Variants in GFRA1 observed in about 807,000 individuals in gnomAD.
GFRA1 encodes the protein GDNF family receptor alpha 1.
GFRA1 carries 16 observed loss-of-function variants against 51.6 expected under a neutral mutation model. That is an observed-to-expected ratio of 0.31 (90% CI 0.21 to 0.47). The LOEUF (loss-of-function observed/expected upper bound fraction) is 0.47. Among genes scored for constraint, GFRA1 ranks in the 20% least tolerant of loss-of-function variants. The probability of loss-of-function intolerance (pLI) is 1.00; values close to 1 mark genes in which losing one functional copy is unlikely to be tolerated. For missense variants in GFRA1, 530 were observed against 594.3 expected (o/e 0.89, Z 1.13); for synonymous variants, 270 against 241.3 (o/e 1.12, Z -1.10).
At chr10:116,240,267 G>A (rs1032178191) in intron 4 of GFRA1, among the ~76,000 whole-genome samples, 4 of 152,162 alleles carry the variant, frequency 2.6e-5, no homozygotes, top group African/African-American at 4.8e-5. Flanking sequence ...ACTACTCCAC[G>A]GCTTGAGTTC....
chr10:116,246,266 C>T (rs1967858134), intron 4 of GFRA1, among the ~76,000 whole-genome samples: 1 of 152,108 alleles, frequency 6.6e-6, no homozygotes, highest in African/African-American at 2.4e-5. Context: ...CCTGTCTCTA[C>T]TAAAAATACA....
chr10:116,081,595 A>G (rs1955853703), intron 9 of GFRA1, among the ~76,000 whole-genome samples: 1 of 152,130 alleles, frequency 6.6e-6, no homozygotes, highest in East Asian at 1.9e-4. Context: ...AATGGGAATG[A>G]TAACAGTACT....
Position 116,226,313 on chromosome 10 carries a change from ATAAGC to A in GFRA1, c.419-14673_419-14669del, listed in dbSNP as rs1565663787. Among the ~76,000 whole-genome samples the A allele has an allele frequency of 2.0e-5, 3 of 152,316 alleles. No individual in the cohort carries two copies. The South Asian group carries it at 6.2e-4, about 32-fold the overall frequency. Reference sequence around the variant, plus strand: ...CTTACAAAGCACAAATGTTTCCCAAATAAGCCAGGCTCAGAAAACGATGACTGCAC... The same window carrying A: ...CTTACAAAGCACAAATGTTTCCCAAACAGGCTCAGAAAACGATGACTGCAC... On this transcript the variant is annotated intron_variant, in intron 4 of 10. Coordinates refer to ENST00000355422, the MANE Select transcript of GFRA1 (RefSeq NM_005264.8).
chr10:116,225,869 G>GT (rs1390170474), intron 4 of GFRA1, among the ~76,000 whole-genome samples: 6 of 152,148 alleles, frequency 3.9e-5, no homozygotes, highest in African/African-American at 1.4e-4. Context: ...GATTACAGGC[G>GT]TGAGTCACTG....
At chr10:116,255,046 C>T (rs7088385) in intron 4 of GFRA1, among the ~76,000 whole-genome samples, 2,499 of 152,266 alleles carry the variant, frequency 0.016, 64 homozygotes, top group African/African-American at 0.058. Flanking sequence ...ACAAAGCCAC[C>T]AACAGCTGTG....
At chr10:116,117,597 A>ATGGATGGATGGATGGATGGG (rs1957476716) in intron 6 of GFRA1, among the ~76,000 whole-genome samples, 3 of 112,368 alleles carry the variant, frequency 2.7e-5, no homozygotes, top group Non-Finnish European at 6.2e-5. Flanking sequence ...GGATGGATGG[A>ATGGATGGATGGATGGATGGG]TGGGTGGATG....
chr10:116,107,169 A>T (rs1345990814), intron 6 of GFRA1, among the ~76,000 whole-genome samples: 1 of 152,172 alleles, frequency 6.6e-6, no homozygotes, highest in Non-Finnish European at 1.5e-5. Context: ...GAATGATAAT[A>T]AGTCCCTCAA....
intron 6 of GFRA1, among the ~76,000 whole-genome samples, chr10:116,122,708 G>T (rs1436449511): frequency 6.6e-6 from 1 of 152,068 alleles, no homozygotes; most frequent in Non-Finnish European, 1.5e-5. Context: ...GACCTTCTCT[G>T]GCCATCTTGT....
At chr10:116,212,294 C>T (rs1190690205) in intron 4 of GFRA1, among the ~76,000 whole-genome samples, 13 of 151,866 alleles carry the variant, frequency 8.6e-5, no homozygotes, top group East Asian at 3.9e-4. Flanking sequence ...CTGAGGCAGG[C>T]GGATCACCTG....
intron 5 of GFRA1, among the ~76,000 whole-genome samples, chr10:116,200,779 C>T (rs534864531): frequency 2.6e-5 from 4 of 152,136 alleles, no homozygotes; most frequent in Non-Finnish European, 5.9e-5. Context: ...CTAATTATCC[C>T]CAAAGGCCCC....
chr10:116,265,430 A>G (rs573636871), intron 4 of GFRA1, among the ~76,000 whole-genome samples: 1 of 152,320 alleles, frequency 6.6e-6, no homozygotes, highest in African/African-American at 2.4e-5. Flanking sequence ...CTTGCTGCCA[A>G]AGAGGTGCTT....
Position 116,124,602 on chromosome 10 carries a change from G to A in GFRA1, c.770+619C>T, listed in dbSNP as rs898897812. The stretch of plus-strand genomic sequence containing the variant: ...AGATATCAAAGTAAATTCAGAAATG[G>A]CCAAAAAGCAAAAAGAAGTGAATGC... On this transcript the variant is annotated intron_variant, in intron 6 of 10. Transcript: ENST00000355422. Among the ~76,000 whole-genome samples the A allele has an allele frequency of 5.9e-5, 9 of 152,216 alleles. No individual in the cohort carries two copies. The South Asian group carries it at 1.7e-3, about 28-fold the overall frequency.
intron 4 of GFRA1, among the ~76,000 whole-genome samples, chr10:116,213,796 C>T (rs571419173): frequency 6.6e-6 from 1 of 152,140 alleles, no homozygotes; most frequent in Admixed American, 6.5e-5. Flanking sequence ...CACAGGGAGT[C>T]GTTCATACTC....
chr10:116,186,398 A>G (rs534705850), intron 5 of GFRA1, among the ~76,000 whole-genome samples: 1 of 152,314 alleles, frequency 6.6e-6, no homozygotes, highest in African/African-American at 2.4e-5. Context: ...GCAGCTCCTA[A>G]CGACTGATGT....
At chr10:116,109,284 C>T (rs889286362) in intron 6 of GFRA1, among the ~76,000 whole-genome samples, 1 of 152,094 alleles carries the variant, frequency 6.6e-6, no homozygotes, top group African/African-American at 2.4e-5. Context: ...TTAATGTTCC[C>T]TCTTTTCATT....
At chr10:116,237,776 A>T (rs1371419903) in intron 4 of GFRA1, among the ~76,000 whole-genome samples, 1 of 152,106 alleles carries the variant, frequency 6.6e-6, no homozygotes, top group Non-Finnish European at 1.5e-5. Context: ...ATCCCAACTA[A>T]GCCCTGGATA....
intron 4 of GFRA1, among the ~76,000 whole-genome samples, chr10:116,230,012 G>C (rs535282097): frequency 6.6e-6 from 1 of 152,218 alleles, no homozygotes; most frequent in South Asian, 2.1e-4. Flanking sequence ...TTTGATTCAA[G>C]CTTCCCAAAG....
intron 4 of GFRA1, among the ~76,000 whole-genome samples, chr10:116,250,260 G>A (rs1184595738): frequency 1.3e-5 from 2 of 152,116 alleles, no homozygotes; most frequent in South Asian, 2.1e-4. Flanking sequence ...CTGGGGCATC[G>A]CCATTCTTTG....
chr10:116,271,567 G>C (rs1051152434), intron 2 of GFRA1, among the ~76,000 whole-genome samples: 4 of 152,264 alleles, frequency 2.6e-5, no homozygotes, highest in Non-Finnish European at 5.9e-5. Flanking sequence ...GGCCAGCCAT[G>C]GTCAGCGGTC....
Sources: gnomAD v4.1 joint callset for allele counts (sites outside exome capture counted in the v4.1 genomes callset) on GRCh38, gnomAD v4.1.1 for gene constraint, MANE v1.5 for transcripts, NCBI Gene and HGNC (gene_info 2026-07-23, HGNC 2026-07-21) for gene names.